Variants in FAM193A observed in about 807,000 individuals in gnomAD.
The protein encoded by FAM193A is protein FAM193A.
In FAM193A, 22 loss-of-function variants were observed where a neutral mutation model predicts 126.5. The ratio of observed to expected loss-of-function variants is 0.17; its 90% CI spans 0.12 to 0.25. FAM193A has a LOEUF of 0.25. FAM193A is among the 10% of genes least tolerant of loss of function. The pLI, the probability that FAM193A is intolerant of heterozygous loss-of-function variation, is 1.00. For synonymous variants in FAM193A, 761 were observed against 646.8 expected, an observed-to-expected ratio of 1.18 and a Z score of -2.68; for missense variants, 1,675 against 1,672.8, an observed-to-expected ratio of 1.00 and a Z score of -0.02.
At chr4:2,697,923 G>C (rs1304177960) in intron 18 of FAM193A, among the ~76,000 whole-genome samples, 1 of 152,212 alleles carries the variant, frequency 6.6e-6, no homozygotes, top group African/African-American at 2.4e-5. Context: ...GCCTTCCTGA[G>C]TTTTCAGGGT....
At chr4:2,542,225 T>C (rs1231703616) in intron 1 of FAM193A, among the ~76,000 whole-genome samples, 1 of 152,000 alleles carries the variant, frequency 6.6e-6, no homozygotes, top group Non-Finnish European at 1.5e-5. Context: ...CATGTTGGTC[T>C]AGAACTCCTG....
chr4:2,619,282 T>G (rs1202580797), intron 2 of FAM193A, among the ~76,000 whole-genome samples: 2 of 152,054 alleles, frequency 1.3e-5, no homozygotes, highest in African/African-American at 2.4e-5. Flanking sequence ...TCTCTATTTT[T>G]GGGGAGATCT....
intron 19 of FAM193A, among the ~76,000 whole-genome samples, chr4:2,705,990 G>C (rs958180177): frequency 1.3e-5 from 2 of 152,062 alleles, no homozygotes; most frequent in African/African-American, 2.4e-5. Context: ...AGGATCATTC[G>C]AGCCCAGGAG....
At chr4:2,648,553 A>C (rs569514533) in intron 7 of FAM193A, among the ~76,000 whole-genome samples, 3 of 152,200 alleles carry the variant, frequency 2.0e-5, no homozygotes, top group Middle Eastern at 3.2e-3. Context: ...AGCCTGGACT[A>C]CTGTGAGAGC....
chr4:2,635,841 A>G (rs1385991671), intron 5 of FAM193A, among the ~76,000 whole-genome samples: 1 of 152,166 alleles, frequency 6.6e-6, no homozygotes, highest in African/African-American at 2.4e-5. Context: ...CCCGGCCAAC[A>G]TATTTCTTAA....
At chr4:2,559,098 G>T (rs969460343) in intron 1 of FAM193A, among the ~76,000 whole-genome samples, 2 of 152,194 alleles carry the variant, frequency 1.3e-5, no homozygotes, top group Admixed American at 6.5e-5. Flanking sequence ...TTGGATCAAT[G>T]ATTTCAATTA....
chr4:2,590,496 C>CAAACCAAAAAAAAAAAAAAAA (rs1740494837), intron 1 of FAM193A, among the ~76,000 whole-genome samples: 1 of 45,796 alleles, frequency 2.2e-5, no homozygotes, highest in Non-Finnish European at 4.0e-5. Context: ...CAAAAAAAAA[C>CAAACCAAAAAAAAAAAAAAAA]AAAAAAAAAC....
intron 2 of FAM193A, among the ~76,000 whole-genome samples, chr4:2,606,516 A>C (rs747799007): frequency 4.4e-4 from 67 of 152,194 alleles, no homozygotes; most frequent in Admixed American, 9.2e-4. Flanking sequence ...GTACCAAACC[A>C]TGACAAGTTA....
intron 12 of FAM193A, among the ~76,000 whole-genome samples, chr4:2,668,139 C>G (rs1176003189): frequency 6.6e-6 from 1 of 151,742 alleles, no homozygotes; most frequent in Non-Finnish European, 1.5e-5. Flanking sequence ...TCCTGGCCTT[C>G]AGTGATTCTC....
At chr4:2,592,819 A>G (rs1446363880) in intron 1 of FAM193A, among the ~76,000 whole-genome samples, 1 of 152,192 alleles carries the variant, frequency 6.6e-6, no homozygotes, top group Non-Finnish European at 1.5e-5. Flanking sequence ...GCATAAGCAC[A>G]TGCCTGTGGG....
At position 2,577,422 on chromosome 4, in the gene FAM193A, G is replaced by GTTTTTTTTTTTTTTTTT. The variant is rs986931980; in HGVS notation, c.256-18648_256-18647insTTTTTTTTTTTTTTTTT. Among the ~76,000 whole-genome samples, 14 of 115,540 alleles carry GTTTTTTTTTTTTTTTTT rather than the reference G, an allele frequency of 1.2e-4. 1 individual carries two copies. Among genetic ancestry groups the GTTTTTTTTTTTTTTTTT allele is most frequent in the Non-Finnish European group, 1.7e-4 (10 of 58,346 alleles). 75.8% of individuals were successfully genotyped at this position (115,540 alleles called of 152,430 possible). On this transcript the variant is annotated intron_variant, in intron 1 of 20. Coordinates refer to ENST00000637812, the MANE Select transcript of FAM193A (RefSeq NM_001366318.2). ...ACTCAATTAAAGTGGTTTTTTTTTT[G>GTTTTTTTTTTTTTTTTT]TTTTTTTTTTTTTTGAGACAGAGTC...
chr4:2,732,028 A>G lies in FAM193A; in HGVS notation c.*160A>G. 1 of 664,886 alleles carries G rather than the reference A, an allele frequency of 1.5e-6. No homozygotes were observed. The highest frequency in any genetic ancestry group is 1.7e-5 in the South Asian group (1 of 60,052). 41.2% of individuals were successfully genotyped at this position (664,886 alleles called of 1,614,324 possible). ...AGACCGAGAAGTTGATGCTCGGCCC[A>G]CGCCGTTAGCTCGTGTGCGTGTAGT... On this transcript the variant is annotated 3_prime_UTR_variant, in exon 21 of 21. Coordinates refer to ENST00000637812, the MANE Select transcript of FAM193A (RefSeq NM_001366318.2).
intron 1 of FAM193A, among the ~76,000 whole-genome samples, chr4:2,549,760 C>T (rs1737794977): frequency 6.6e-6 from 1 of 151,732 alleles, no homozygotes; most frequent in African/African-American, 2.4e-5. Context: ...TGGAGTCTCA[C>T]TCTGTCTCCC....
At chr4:2,567,091 C>T (rs2108851084) in intron 1 of FAM193A, among the ~76,000 whole-genome samples, 1 of 152,002 alleles carries the variant, frequency 6.6e-6, no homozygotes, top group South Asian at 2.1e-4. Flanking sequence ...AGGCGCCCGC[C>T]ACCATGCCCG....
intron 1 of FAM193A, among the ~76,000 whole-genome samples, chr4:2,590,486 CA>C (rs746750683): frequency 0.12 from 4,592 of 38,020 alleles, 945 homozygotes; most frequent in South Asian, 0.18. Flanking sequence ...CAAAAAAAAA[CA>C]AAAAAAAACA....
chr4:2,565,813 C>T (rs891943028), intron 1 of FAM193A, among the ~76,000 whole-genome samples: 1 of 152,090 alleles, frequency 6.6e-6, no homozygotes, highest in African/African-American at 2.4e-5. Flanking sequence ...AAGTACTTGG[C>T]AAGACACAGG....
chr4:2,668,905 C>G (rs931730720), intron 12 of FAM193A, among the ~76,000 whole-genome samples: 3 of 151,838 alleles, frequency 2.0e-5, no homozygotes, highest in African/African-American at 7.3e-5. Flanking sequence ...TGCAGTGGCA[C>G]AATTTTGGCT....
chr4:2,698,094 C>T (rs937931108), intron 18 of FAM193A, among the ~76,000 whole-genome samples: 16 of 152,204 alleles, frequency 1.1e-4, no homozygotes, highest in African/African-American at 3.9e-4. Flanking sequence ...ACCCATTTTA[C>T]AGAGCAGCTC....
chr4:2,615,917 T>G (rs567210537), intron 2 of FAM193A, among the ~76,000 whole-genome samples: 1 of 152,326 alleles, frequency 6.6e-6, no homozygotes, highest in South Asian at 2.1e-4. Context: ...GTTCAAGCGA[T>G]TCTCCTGCCT....
Sources: gnomAD v4.1 joint callset for allele counts (sites outside exome capture counted in the v4.1 genomes callset) on GRCh38, gnomAD v4.1.1 for gene constraint, MANE v1.5 for transcripts, NCBI Gene and HGNC (gene_info 2026-07-23, HGNC 2026-07-21) for gene names.